EEIG1: variants seen among roughly 807,000 people sequenced by gnomAD.
EEIG1 encodes the protein early estrogen-induced gene 1 protein.
At chr9:127,962,424 C>T in the EEIG1 span, among the ~76,000 whole-genome samples, 1 of 152,172 alleles carries the variant, frequency 6.6e-6, no homozygotes, top group Admixed American at 6.5e-5. Flanking sequence ...ACCCAATCCC[C>T]GGCAGTCCTG....
the EEIG1 span, chr9:127,945,341 AG>A: frequency 1.9e-6 from 3 of 1,543,900 alleles, no homozygotes; most frequent in Non-Finnish European, 1.8e-6. The surrounding 1 kb of genome is among the most constrained non-coding windows in gnomAD (Gnocchi z 6.5). Flanking sequence ...TCTGTTCTCC[AG>A]GGGGCACCAA....
the EEIG1 span, among the ~76,000 whole-genome samples, chr9:127,952,431 G>A: frequency 6.6e-6 from 1 of 152,250 alleles, no homozygotes; most frequent in African/African-American, 2.4e-5. Context: ...AGTCCACCAT[G>A]GAGAAGAGGG....
the EEIG1 span, among the ~76,000 whole-genome samples, chr9:127,975,206 C>A: frequency 8.5e-5 from 13 of 152,236 alleles, no homozygotes; most frequent in Non-Finnish European, 1.3e-4. Context: ...GCCCCCAGCG[C>A]GGCACTGACC....
chr9:127,969,148 C>T, the EEIG1 span, among the ~76,000 whole-genome samples: 10 of 152,306 alleles, frequency 6.6e-5, no homozygotes, highest in Non-Finnish European at 8.8e-5. Context: ...GTCAAATGCC[C>T]GTCGGCAAAG....
the EEIG1 span, among the ~76,000 whole-genome samples, chr9:127,957,333 AAC>A: frequency 1.3e-5 from 2 of 150,224 alleles, no homozygotes; most frequent in Non-Finnish European, 2.9e-5. Flanking sequence ...TATATTGGCA[AAC>A]ACAGTGAAAA....
the EEIG1 span, among the ~76,000 whole-genome samples, chr9:127,972,043 G>C: frequency 6.6e-6 from 1 of 152,072 alleles, no homozygotes; most frequent in East Asian, 1.9e-4. The surrounding 1 kb of genome is among the most constrained non-coding windows in gnomAD (Gnocchi z 4.3). Context: ...CCAGCAGCCT[G>C]ACAGCCAGTG....
At chr9:127,957,216 G>A in the EEIG1 span, among the ~76,000 whole-genome samples, 1 of 150,252 alleles carries the variant, frequency 6.7e-6, no homozygotes, top group Non-Finnish European at 1.5e-5. Flanking sequence ...GCAACAGAGT[G>A]AGACCTTGTC....
chr9:127,948,287 A>C, the EEIG1 span: 2 of 1,611,552 alleles, frequency 1.2e-6, no homozygotes, highest in Non-Finnish European at 1.7e-6. Flanking sequence ...AAAACAGAGG[A>C]CACCCAGAGT....
chr9:127,948,538 C>G, the EEIG1 span: 4 of 955,552 alleles, frequency 4.2e-6, no homozygotes, highest in Non-Finnish European at 6.5e-6. Context: ...CTCTCTGCCC[C>G]CTCCTGGCTT....
the EEIG1 span, among the ~76,000 whole-genome samples, chr9:127,954,170 G>A: frequency 1.3e-5 from 2 of 152,240 alleles, no homozygotes; most frequent in Non-Finnish European, 2.9e-5. Flanking sequence ...AGCTAGGGCA[G>A]CTGTCCCTCC....
At chr9:127,954,332 G>A in the EEIG1 span, among the ~76,000 whole-genome samples, 1 of 152,164 alleles carries the variant, frequency 6.6e-6, no homozygotes, top group Non-Finnish European at 1.5e-5. Flanking sequence ...AATAGTCTTA[G>A]GCTGGACTAC....
At chr9:127,950,646 G>A in the EEIG1 span, 704 of 1,513,768 alleles carry the variant, frequency 4.7e-4, 3 homozygotes, top group African/African-American at 8.6e-3. Context: ...GACAGATAAA[G>A]CCCCTGGGCC....
At chr9:127,972,683 G>GCTTT in the EEIG1 span, 1 of 152,288 alleles carries the variant, frequency 6.6e-6, no homozygotes, top group Admixed American at 6.5e-5. The surrounding 1 kb of genome is among the most constrained non-coding windows in gnomAD (Gnocchi z 4.3). Flanking sequence ...GAACAAGCAG[G>GCTTT]CAGAAAGGCC....
chr9:127,959,238 A>T, the EEIG1 span, among the ~76,000 whole-genome samples: 1 of 152,250 alleles, frequency 6.6e-6, no homozygotes, highest in African/African-American at 2.4e-5. Flanking sequence ...CAAAAAGTGA[A>T]AGCAACCCAA....
chr9:127,943,413 T>C, the EEIG1 span: 1 of 635,538 alleles, frequency 1.6e-6, no homozygotes, highest in South Asian at 1.8e-5. Flanking sequence ...GTGACACAGA[T>C]AGTAAGCATC....
the EEIG1 span, chr9:127,944,495 C>A: frequency 1.1e-5 from 8 of 723,900 alleles, no homozygotes; most frequent in Non-Finnish European, 1.9e-5. Flanking sequence ...CATGACAGGC[C>A]CAGGGTCACA....
chr9:127,951,481 C>T, the EEIG1 span, among the ~76,000 whole-genome samples: 3 of 152,172 alleles, frequency 2.0e-5, no homozygotes, highest in Non-Finnish European at 2.9e-5. Flanking sequence ...ATCCTAGCCC[C>T]GCCATGGACT....
the EEIG1 span, among the ~76,000 whole-genome samples, chr9:127,961,826 C>T: frequency 4.1e-3 from 607 of 148,858 alleles, 33 homozygotes; most frequent in East Asian, 0.12. Context: ...GCAAAGGCCC[C>T]GGGGTGGGAA....
the EEIG1 span, among the ~76,000 whole-genome samples, chr9:127,950,169 C>T: frequency 6.6e-6 from 1 of 152,266 alleles, no homozygotes; most frequent in Non-Finnish European, 1.5e-5. Flanking sequence ...CGTGAACCCA[C>T]TGCAGGTGCT....
Sources: gnomAD v4.1 joint callset for allele counts (sites outside exome capture counted in the v4.1 genomes callset) on GRCh38, gnomAD v4.1.1 for gene constraint, Gnocchi (gnomAD v3.1) non-coding constraint, MANE v1.5 for transcripts, NCBI Gene and HGNC (gene_info 2026-07-23, HGNC 2026-07-21) for gene names.